Variants in KCNJ2 observed in about 807,000 individuals in gnomAD.
KCNJ2 encodes inward rectifier potassium channel 2.
Under a neutral mutation model 28.4 loss-of-function variants are expected in KCNJ2, and 12 were observed. The observed-to-expected ratio is 0.42, with a 90% confidence interval of 0.27 to 0.68. The LOEUF is 0.68. KCNJ2 is among the 30% of genes least tolerant of loss of function. KCNJ2 has a pLI of 0.23. For missense variants in KCNJ2, 320 were observed against 551.3 expected, an observed-to-expected ratio of 0.58 and a Z score of 4.20; for synonymous variants, 200 against 203.2, an observed-to-expected ratio of 0.98 and a Z score of 0.13.
In KCNJ2 at chr17:70,179,826, A is replaced by C. The variant is rs562088857; in HGVS notation, c.*3503A>C. The stretch of plus-strand genomic sequence containing the variant: ...CCTGCCCATCCCCAACCCTCAGCAA[A>C]GTAGAATCTCTTTTCTGGTAATTTT... On this transcript the variant is annotated 3_prime_UTR_variant, in exon 2 of 2. Transcript: ENST00000243457. The C allele has an allele frequency of 1.2e-5, 2 of 167,028 alleles. No individual in the cohort carries two copies. The highest frequency in any genetic ancestry group is 2.1e-4 in the South Asian group (1 of 4,826). The allele number at this position is 167,028 out of a possible 1,614,324, so 10.3% of individuals were successfully genotyped here. A position where few individuals can be genotyped will look rare whatever the true frequency, so the allele number is the denominator to read the frequency against.
At position 70,179,778 on chromosome 17, in the gene KCNJ2, A is replaced by G. The variant is rs1354674731; in HGVS notation, c.*3455A>G. The G allele has an allele frequency of 6.0e-6, 1 of 165,552 alleles. No individual in the cohort carries two copies. The highest frequency in any genetic ancestry group is 1.5e-5 in the Non-Finnish European group (1 of 67,488). 10.3% of individuals were successfully genotyped at this position (165,552 alleles called of 1,614,324 possible). A position where few individuals can be genotyped will look rare whatever the true frequency, so the allele number is the denominator to read the frequency against. ...TGTGTCTAATAATGTTAAGGTGGGA[A>G]AAAAAAAAGTGTGGCATAGCTACCT... On this transcript the variant is annotated 3_prime_UTR_variant, in exon 2 of 2. Coordinates refer to ENST00000243457, the MANE Select transcript of KCNJ2 (RefSeq NM_000891.3).
In KCNJ2 at chr17:70,176,261, C is replaced by G. The variant is rs753757610; in HGVS notation, c.1222C>G (p.Leu408Val). ...TSTDTPPDID[L>V]HNQASVPLEP... ...TACGGACACGCCCCCTGACATAGACCTTCACAACCAGGCAAGTGTACCTCT... is the reference window on the plus strand; with the variant it reads ...TACGGACACGCCCCCTGACATAGACGTTCACAACCAGGCAAGTGTACCTCT... The change falls in exon 2 of 2, where the codon CTT (leucine) becomes GTT (valine). Residue 408 changes from leucine to valine, a missense_variant. Leu to Val is a conservative substitution (Grantham distance 32). This residue lies in a region of KCNJ2 where 155 missense variants were observed against 231.6 expected (regional missense o/e 0.67). Coordinates refer to ENST00000243457, the MANE Select transcript of KCNJ2 (RefSeq NM_000891.3). 46 of 1,613,992 alleles carry G rather than the reference C, an allele frequency of 2.9e-5. No homozygotes were observed. Among genetic ancestry groups the G allele is most frequent in the Non-Finnish European group, 3.5e-5 (41 of 1,180,042 alleles).
In KCNJ2 at chr17:70,179,197, CAT is replaced by C. The variant is rs561353262; in HGVS notation, c.*2875_*2876del. 9.4e-5 allele frequency: 15 copies of C among 159,208 alleles called. No homozygotes were observed. The highest frequency in any genetic ancestry group is 2.1e-4 in the Non-Finnish European group (14 of 66,528). 9.9% of individuals were successfully genotyped at this position (159,208 alleles called of 1,614,324 possible). ...ACTGGGTCTCCTTAATTAATGTACA[CAT>C]GTCATTAGAATGCAGACGGAGGGGA... On this transcript the variant is annotated 3_prime_UTR_variant, in exon 2 of 2. Transcript: ENST00000243457.
rs1366905542 is a variant in KCNJ2, at chr17:70,177,638, T to C, written c.*1315T>C. ...CTGGATTGAGTCCTACAGTGTCAGA[T>C]AGGGCGGCAAATGCCAAAGCAGGGA... is the stretch of plus-strand genomic sequence containing the variant. On this transcript the variant is annotated 3_prime_UTR_variant, in exon 2 of 2. Coordinates refer to ENST00000243457, the MANE Select transcript of KCNJ2 (RefSeq NM_000891.3). 1.2e-5 allele frequency: 2 copies of C among 167,196 alleles called. No individual in the cohort carries two copies. Among genetic ancestry groups the C allele is most frequent in the African/African-American group, 4.8e-5 (2 of 41,454 alleles). The allele number at this position is 167,196 out of a possible 1,614,324, so 10.4% of individuals were successfully genotyped here. A position where few individuals can be genotyped will look rare whatever the true frequency, so the allele number is the denominator to read the frequency against.
Position 70,176,896 on chromosome 17 carries a change from A to AT in KCNJ2, c.*581dup, listed in dbSNP as rs1053380859. ...GCCAGTAATTCGTTTGCTAGAATTG[A>AT]TTTTTTTTCTCTCTCTCTTTGTTAC... is the stretch of plus-strand genomic sequence containing the variant. On this transcript the variant is annotated 3_prime_UTR_variant, in exon 2 of 2. Coordinates refer to ENST00000243457, the MANE Select transcript of KCNJ2 (RefSeq NM_000891.3). 5 of 174,308 alleles carry AT rather than the reference A, an allele frequency of 2.9e-5. 1 individual carries two copies. In the South Asian group the frequency reaches 7.0e-4, roughly 24 times the overall value. The allele number at this position is 174,308 out of a possible 1,614,324, so 10.8% of individuals were successfully genotyped here.
Position 70,175,125 on chromosome 17 carries a change from G to C in KCNJ2, c.86G>C (p.Gly29Ala). The C allele has an allele frequency of 6.2e-7, 1 of 1,614,194 alleles. No homozygotes were observed. Among genetic ancestry groups the C allele is most frequent in the Non-Finnish European group, 8.5e-7 (1 of 1,180,032 alleles). Reference sequence around the variant, plus strand: ...TTGGCCACCATGGCAGTTGCAAATGGCTTTGGGAACGGGAAGAGTAAAGTC... The same window carrying C: ...TTGGCCACCATGGCAGTTGCAAATGCCTTTGGGAACGGGAAGAGTAAAGTC... ...MKLATMAVANGFGNGKSKVHT... is the reference protein window; with the variant it reads ...MKLATMAVANAFGNGKSKVHT... Residue 29 changes from glycine (G) to alanine (A), a missense_variant, in exon 2 of 2, where the codon GGC becomes GCC. By Grantham distance (60) the Gly-to-Ala change is moderately conservative. Coordinates refer to ENST00000243457, the MANE Select transcript of KCNJ2 (RefSeq NM_000891.3). This position sits in a 1 kb window ranked among gnomAD's most constrained non-coding sequence, Gnocchi z 8.3.
rs962243222 is a variant in KCNJ2, at chr17:70,176,474, C to T, written c.*151C>T. On this transcript the variant is annotated 3_prime_UTR_variant, in exon 2 of 2. Coordinates refer to ENST00000243457, the MANE Select transcript of KCNJ2 (RefSeq NM_000891.3). ...CAAGCACAATGGTTTCAAAGAAAGA[C>T]TGTAAGCTCCATGATTAGCATAAAG... is the stretch of plus-strand genomic sequence containing the variant. The T allele has an allele frequency of 5.5e-6, 4 of 728,864 alleles. No individual in the cohort carries two copies. The Admixed American group carries it at 6.1e-5, about 11-fold the overall frequency. The allele number at this position is 728,864 out of a possible 1,614,324, so 45.1% of individuals were successfully genotyped here.
rs1598213164 is a variant in KCNJ2, at chr17:70,179,506, C to G, written c.*3183C>G. On this transcript the variant is annotated 3_prime_UTR_variant, in exon 2 of 2. Transcript: ENST00000243457. ...ACATTTTAAGGATGTCACTATGGCACTGTTGTCATTTCCAAATTCCTAGAA... is the reference window on the plus strand; with the variant it reads ...ACATTTTAAGGATGTCACTATGGCAGTGTTGTCATTTCCAAATTCCTAGAA... 1 of 166,408 alleles carries G rather than the reference C, an allele frequency of 6.0e-6. No homozygotes were observed. Among genetic ancestry groups the G allele is most frequent in the Admixed American group, 6.6e-5 (1 of 15,266 alleles). 10.3% of individuals were successfully genotyped at this position (166,408 alleles called of 1,614,324 possible).
Position 70,177,785 on chromosome 17 carries a change from T to G in KCNJ2, c.*1462T>G, listed in dbSNP as rs2074403929. ...ATGAAAATGTCTCAGTATTTTAGGG[T>G]CAATGAGAGCCATAAAAATATAACA... On this transcript the variant is annotated 3_prime_UTR_variant, in exon 2 of 2. Coordinates refer to ENST00000243457, the MANE Select transcript of KCNJ2 (RefSeq NM_000891.3). 1 of 167,068 alleles carries G rather than the reference T, an allele frequency of 6.0e-6. No homozygotes were observed. Among genetic ancestry groups the G allele is most frequent in the Non-Finnish European group, 1.5e-5 (1 of 68,122 alleles). The allele number at this position is 167,068 out of a possible 1,614,324, so 10.3% of individuals were successfully genotyped here. A position where few individuals can be genotyped will look rare whatever the true frequency, so the allele number is the denominator to read the frequency against.
chr17:70,169,938 T>C (rs901504263), intron 1 of KCNJ2, among the ~76,000 whole-genome samples: 2 of 152,148 alleles, frequency 1.3e-5, no homozygotes, highest in African/African-American at 2.4e-5. Flanking sequence ...AGTTGAGCAA[T>C]AGAAACAGAT....
chr17:70,176,080 T>C lies in KCNJ2; in HGVS notation c.1041T>C (p.Thr347=), dbSNP rs1259199763. The stretch of plus-strand genomic sequence containing the variant: ...TGGACTATTCCAGGTTCCACAAAAC[T>C]TACGAAGTCCCCAACACTCCCCTTT... ...YKVDYSRFHK[T]YEVPNTPLCS... Residue 347 remains threonine, a synonymous_variant, in exon 2 of 2, where the codon ACT becomes ACC. Coordinates refer to ENST00000243457, the MANE Select transcript of KCNJ2 (RefSeq NM_000891.3). 1 of 1,614,026 alleles carries C rather than the reference T, an allele frequency of 6.2e-7. No individual in the cohort carries two copies. Among genetic ancestry groups the C allele is most frequent in the South Asian group, 1.1e-5 (1 of 91,084 alleles).
chr17:70,176,967 T>C lies in KCNJ2; in HGVS notation c.*644T>C, dbSNP rs1040133820. The C allele has an allele frequency of 6.0e-6, 1 of 167,880 alleles. No individual in the cohort carries two copies. The highest frequency in any genetic ancestry group is 1.5e-5 in the Non-Finnish European group (1 of 68,776). 10.4% of individuals were successfully genotyped at this position (167,880 alleles called of 1,614,324 possible). On this transcript the variant is annotated 3_prime_UTR_variant, in exon 2 of 2. Coordinates refer to ENST00000243457, the MANE Select transcript of KCNJ2 (RefSeq NM_000891.3). ...TAGCCGAATGGTAGCCTCTGGGTTG[T>C]TGTTTTTTTCTTTTCCTCCATGATG...
At chr17:70,170,047 T>C (rs2074356496) in intron 1 of KCNJ2, among the ~76,000 whole-genome samples, 1 of 152,174 alleles carries the variant, frequency 6.6e-6, no homozygotes, top group Non-Finnish European at 1.5e-5. Context: ...TGTTCGGTTC[T>C]CACTCTAAGT....
rs750167736 is a variant in KCNJ2, at chr17:70,176,833, G to C, written c.*510G>C. On this transcript the variant is annotated 3_prime_UTR_variant, in exon 2 of 2. Transcript: ENST00000243457. ...ATGCGCTTCAAAGTGGCAAGTATTT[G>C]GCTATTAACTGCCAAAACAAGAGCC... is the stretch of plus-strand genomic sequence containing the variant. 14 of 176,438 alleles carry C rather than the reference G, an allele frequency of 7.9e-5. No individual in the cohort carries two copies. Among genetic ancestry groups the C allele is most frequent in the Non-Finnish European group, 1.6e-4 (12 of 73,416 alleles). The allele number at this position is 176,438 out of a possible 1,614,324, so 10.9% of individuals were successfully genotyped here. A position where few individuals can be genotyped will look rare whatever the true frequency, so the allele number is the denominator to read the frequency against.
At chr17:70,172,601 T>C (rs922517415) in intron 1 of KCNJ2, among the ~76,000 whole-genome samples, 1 of 152,206 alleles carries the variant, frequency 6.6e-6, no homozygotes, top group African/African-American at 2.4e-5. Flanking sequence ...GGTTGTTATG[T>C]TTTAATCTGG....
intron 1 of KCNJ2, among the ~76,000 whole-genome samples, 168 bp from the exon 2 acceptor site, chr17:70,174,655 GT>G (rs1216435943): frequency 4.6e-5 from 7 of 152,112 alleles, no homozygotes; most frequent in Non-Finnish European, 1.0e-4. Context: ...TTAAATAAAA[GT>G]TTTACAAAGC....
rs568976231 is a variant in KCNJ2, at chr17:70,178,943, T to C, written c.*2620T>C. ...CCGGTTAGCATGGTTTTAGCAAATA[T>C]ATACCAGCCTTATAAGGTTCGTATT... On this transcript the variant is annotated 3_prime_UTR_variant, in exon 2 of 2. Transcript: ENST00000243457. The C allele has an allele frequency of 3.0e-5, 5 of 167,076 alleles. No homozygotes were observed. The highest frequency in any genetic ancestry group is 2.1e-4 in the South Asian group (1 of 4,822). 10.3% of individuals were successfully genotyped at this position (167,076 alleles called of 1,614,324 possible).
Position 70,176,516 on chromosome 17 carries a change from A to C in KCNJ2, c.*193A>C. 2 of 642,360 alleles carry C rather than the reference A, an allele frequency of 3.1e-6. No homozygotes were observed. Among genetic ancestry groups the C allele is most frequent in the Non-Finnish European group, 5.7e-6 (2 of 350,460 alleles). The allele number at this position is 642,360 out of a possible 1,614,324, so 39.8% of individuals were successfully genotyped here. On this transcript the variant is annotated 3_prime_UTR_variant, in exon 2 of 2. Transcript: ENST00000243457. ...AGCATAAAGCACTAACCATGTCTCC[A>C]TGTGACCCGATGGCACATAGATGTT...
intron 1 of KCNJ2, among the ~76,000 whole-genome samples, chr17:70,172,899 A>G (rs921367297): frequency 2.6e-5 from 4 of 152,230 alleles, no homozygotes; most frequent in Non-Finnish European, 5.9e-5. Flanking sequence ...AATGCTGTCC[A>G]TGTACAGGAT....
Sources: allele counts gnomAD v4.1 joint callset (sites outside exome capture counted in the v4.1 genomes callset), GRCh38; gene constraint gnomAD v4.1.1; regional missense constraint gnomAD v4.1.1; non-coding constraint Gnocchi (gnomAD v3.1); transcripts MANE v1.5; gene names NCBI Gene and HGNC (gene_info 2026-07-23, HGNC 2026-07-21).